Variants in ANK3 observed in about 807,000 individuals in gnomAD.
ANK3 encodes ankyrin-3.
In ANK3, 57 loss-of-function variants were observed where a neutral mutation model predicts 370.9. The ratio of observed to expected loss-of-function variants is 0.15; its 90% CI spans 0.12 to 0.19. The LOEUF is 0.19. ANK3 is among the 10% of genes least tolerant of loss of function. ANK3 has a pLI of 1.00. For missense variants in ANK3, 4,439 were observed against 5,302.1 expected (o/e 0.84, Z 5.06); for synonymous variants, 1,929 against 1,946.3 (o/e 0.99, Z 0.23).
At chr10:60,449,552 A>G (rs2133034983) in intron 2 of ANK3, among the ~76,000 whole-genome samples, 1 of 152,344 alleles carries the variant, frequency 6.6e-6, no homozygotes, top group Middle Eastern at 3.4e-3. Context: ...ATTGTACTTA[A>G]GAATTTAGGG....
At chr10:60,229,412 A>G (rs1384666333) in intron 8 of ANK3, among the ~76,000 whole-genome samples, 1 of 152,150 alleles carries the variant, frequency 6.6e-6, no homozygotes, top group African/African-American at 2.4e-5. Flanking sequence ...TTATTCAAGG[A>G]TTTATTTTTA....
chr10:60,122,217 A>C (rs2093523246), intron 25 of ANK3, among the ~76,000 whole-genome samples: 1 of 152,216 alleles, frequency 6.6e-6, no homozygotes, highest in Non-Finnish European at 1.5e-5. Context: ...TTAGCCCTGG[A>C]AATTAAAGTG....
At position 60,075,697 on chromosome 10, in the gene ANK3, G is replaced by C. The variant is rs889422747; in HGVS notation, c.5184C>G (p.Ser1728=). 1 of 1,614,086 alleles carries C rather than the reference G, an allele frequency of 6.2e-7. No individual in the cohort carries two copies. The highest frequency in any genetic ancestry group is 1.7e-5 in the Admixed American group (1 of 60,008). ...CTTTGCATCCATTAATTAAAGTTGA[G>C]GATGATGGATATTTTAGAGGGGAAA... The part of the protein sequence containing the change: ...GSISPLKYPS[S]STLINGCKAT... Residue 1728 remains serine, a synonymous_variant, in exon 37 of 44, where the codon TCC becomes TCG. Coordinates refer to ENST00000280772, the MANE Select transcript of ANK3 (RefSeq NM_020987.5).
At chr10:60,162,558 C>T (rs895699525) in intron 23 of ANK3, among the ~76,000 whole-genome samples, 1 of 152,108 alleles carries the variant, frequency 6.6e-6, no homozygotes, top group African/African-American at 2.4e-5. Flanking sequence ...TCTTCTTATC[C>T]CTCATGTCAC....
Position 60,241,634 on chromosome 10 carries a change from T to A in ANK3, c.799-6848A>T, listed in dbSNP as rs529265687. On this transcript the variant is annotated intron_variant, in intron 7 of 43. Transcript: ENST00000280772. Reference sequence around the variant, plus strand: ...TTTGGGTTTATTTATAAACCACTATTTTCATCACCGGCACAATAGCATCTT... The same window carrying A: ...TTTGGGTTTATTTATAAACCACTATATTCATCACCGGCACAATAGCATCTT... Among the ~76,000 whole-genome samples, 135 of 152,312 alleles carry A rather than the reference T, an allele frequency of 8.9e-4. 1 individual carries two copies. Among genetic ancestry groups the A allele is most frequent in the African/African-American group, 3.2e-3 (132 of 41,562 alleles).
chr10:60,087,005 A>AAC (rs2086883407), intron 29 of ANK3, 121 bp from the exon 30 acceptor site: 1 of 733,606 alleles, frequency 1.4e-6, no homozygotes, highest in Non-Finnish European at 2.1e-6. Flanking sequence ...AAAAAAAAAA[A>AAC]AAAACCCAGG....
At chr10:60,326,654 G>A (rs1485357208) in intron 1 of ANK3, among the ~76,000 whole-genome samples, 1 of 151,860 alleles carries the variant, frequency 6.6e-6, no homozygotes, top group Non-Finnish European at 1.5e-5. Context: ...CCCCTCTCAG[G>A]GACCCTCCTA....
At chr10:60,032,194 C>CTTT (rs552219776) in intron 43 of ANK3, among the ~76,000 whole-genome samples, 653 of 43,140 alleles carry the variant, frequency 0.015, 8 homozygotes, top group East Asian at 0.071. Flanking sequence ...TACACAGCTT[C>CTTT]TTTTTTTTTT....
intron 2 of ANK3, among the ~76,000 whole-genome samples, chr10:60,427,680 A>G (rs2132968310): frequency 6.6e-6 from 1 of 152,320 alleles, no homozygotes; most frequent in Middle Eastern, 3.4e-3. Flanking sequence ...ATTTAAAAAA[A>G]TTAGAGAAGG....
At chr10:60,151,318 T>A (rs1182463248) in intron 23 of ANK3, among the ~76,000 whole-genome samples, 1 of 152,164 alleles carries the variant, frequency 6.6e-6, no homozygotes, top group Non-Finnish European at 1.5e-5. Context: ...TGGAGGTGGA[T>A]CCCCCATGAA....
At chr10:60,559,426 C>A (rs772631401) in intron 2 of ANK3, among the ~76,000 whole-genome samples, 23 of 152,154 alleles carry the variant, frequency 1.5e-4, no homozygotes, top group Non-Finnish European at 2.8e-4. Flanking sequence ...ATCCAAGTTG[C>A]CGTGAATGCC....
chr10:60,445,106 T>C (rs73268895), intron 2 of ANK3, among the ~76,000 whole-genome samples: 2,739 of 152,314 alleles, frequency 0.018, 70 homozygotes, highest in African/African-American at 0.063. Context: ...AAACTAATTA[T>C]TGAAACTATG....
chr10:60,575,833 G>T lies in ANK3; in HGVS notation c.96+39353C>A, dbSNP rs768157499. Among the ~76,000 whole-genome samples, 108 of 152,138 alleles carry T rather than the reference G, an allele frequency of 7.1e-4. 1 individual carries two copies. The highest frequency in any genetic ancestry group is 1.1e-3 in the Non-Finnish European group (76 of 67,962). On this transcript the variant is annotated intron_variant, in intron 2 of 43. Coordinates refer to the ANK3 transcript ENST00000373827. Reference sequence around the variant, plus strand: ...AAAACAACTTACCTTTAATAGAAAAGGTATTAGTTATTATTATTTAATGAT... The same window carrying T: ...AAAACAACTTACCTTTAATAGAAAATGTATTAGTTATTATTATTTAATGAT...
chr10:60,036,535 A>T lies in ANK3; in HGVS notation c.*19+6137T>A, dbSNP rs2075045336. Among the ~76,000 whole-genome samples, 5 of 140,764 alleles carry T rather than the reference A, an allele frequency of 3.6e-5. No individual in the cohort carries two copies. The South Asian group carries it at 9.3e-4, about 26-fold the overall frequency. 92.3% of individuals were successfully genotyped at this position (140,764 alleles called of 152,430 possible). On this transcript the variant is annotated intron_variant, in intron 43 of 43. Coordinates refer to ENST00000280772, the MANE Select transcript of ANK3 (RefSeq NM_020987.5). Reference sequence around the variant, plus strand: ...ACTGAAAGCTCCACCTCCCAGGTTCACGCCATTCTCCTGCCTCAGCCTCCC... The same window carrying T: ...ACTGAAAGCTCCACCTCCCAGGTTCTCGCCATTCTCCTGCCTCAGCCTCCC...
chr10:60,059,366 ACCAGTTACTCTTCGAGCTTGAG>A lies in ANK3; in HGVS notation c.12638_12659del (p.Ala4213ValfsTer4). 1 of 1,613,966 alleles carries A rather than the reference ACCAGTTACTCTTCGAGCTTGAG, an allele frequency of 6.2e-7. No individual in the cohort carries two copies. Among genetic ancestry groups the A allele is most frequent in the African/African-American group, 1.3e-5 (1 of 75,024 alleles). On this transcript the variant is annotated frameshift_variant, in exon 41 of 44. Transcript: ENST00000280772. LOFTEE classifies it high-confidence loss of function. ...TGTCATCCAGTCGATCTAGTAACCC[ACCAGTTACTCTTCGAGCTTGAG>A]CGCAGGACTCTAGGTTTCCACTTGA... is the stretch of plus-strand genomic sequence containing the variant.
intron 1 of ANK3, among the ~76,000 whole-genome samples, chr10:60,327,182 A>T (rs1400144336): frequency 6.6e-6 from 1 of 152,146 alleles, no homozygotes; most frequent in Non-Finnish European, 1.5e-5. Context: ...GGGCGAGGTG[A>T]CAGTTATGAC....
At chr10:60,531,906 C>T (rs2076614679) in intron 2 of ANK3, among the ~76,000 whole-genome samples, 1 of 152,084 alleles carries the variant, frequency 6.6e-6, no homozygotes, top group African/African-American at 2.4e-5. Context: ...TTAAGAAGCC[C>T]TCCTGGTGAC....
chr10:60,088,922 A>G (rs73255290), intron 28 of ANK3, among the ~76,000 whole-genome samples: 5,574 of 152,262 alleles, frequency 0.037, 272 homozygotes, highest in African/African-American at 0.11. Flanking sequence ...CCACCTGTGG[A>G]TAAATTCCCA....
chr10:60,065,682 A>C (rs2081499647), intron 38 of ANK3, among the ~76,000 whole-genome samples: 1 of 152,216 alleles, frequency 6.6e-6, no homozygotes, highest in South Asian at 2.1e-4. Context: ...TACAGTTAGA[A>C]ATACATTATA....
Sources: gnomAD v4.1 joint callset for allele counts (sites outside exome capture counted in the v4.1 genomes callset) on GRCh38, gnomAD v4.1.1 for gene constraint, MANE v1.5 for transcripts, NCBI Gene and HGNC (gene_info 2026-07-23, HGNC 2026-07-21) for gene names.